The following ZNF655 variants were observed in gnomAD, a reference collection of about 807,000 sequenced individuals.
ZNF655 encodes the protein zinc finger protein 655, also known as Vav-interacting Kruppel-like protein 1.
A neutral mutation model predicts 6.6 loss-of-function variants in ZNF655; 3 were observed. The observed-to-expected ratio is 0.46, with a 90% CI of 0.21 to 1.18. The LOEUF is 1.18. ZNF655 is among the 50% of genes most tolerant of loss of function. The pLI is 0.24. For synonymous variants in ZNF655, 178 were observed against 195.0 expected, an observed-to-expected ratio of 0.91 and a Z score of 0.73; for missense variants, 526 against 572.3, an observed-to-expected ratio of 0.92 and a Z score of 0.83.
At position 99,576,230 on chromosome 7, in the gene ZNF655, A is replaced by G. The variant is rs1804387886; in HGVS notation, c.*2646A>G. 1.3e-5 allele frequency: 2 copies of G among 152,684 alleles called. No homozygotes were observed. Among genetic ancestry groups the G allele is most frequent in the South Asian group, 4.1e-4 (2 of 4,836 alleles). 9.5% of individuals were successfully genotyped at this position (152,684 alleles called of 1,614,324 possible). ...AGGAATCTAAATGAAATTGATATAT[A>G]AATGAATTGATCTAAATGTAAAAGC... is the stretch of plus-strand genomic sequence containing the variant. On this transcript the variant is annotated 3_prime_UTR_variant, in exon 3 of 3. Transcript: ENST00000252713.
chr7:99,574,032 CAGTCA>C lies in ZNF655; in HGVS notation c.*449_*453del. 6.1e-6 allele frequency: 1 copy of C among 163,728 alleles called. No individual in the cohort carries two copies. The highest frequency in any genetic ancestry group is 1.7e-4 in the South Asian group (1 of 5,972). The allele number at this position is 163,728 out of a possible 1,614,324, so 10.1% of individuals were successfully genotyped here. ...AAGCATGTATGTGTGTGAGGAGATT[CAGTCA>C]TAACCCAACGCTCATTCAACATCAA... On this transcript the variant is annotated 3_prime_UTR_variant, in exon 3 of 3. Coordinates refer to ENST00000252713, the MANE Select transcript of ZNF655 (RefSeq NM_138494.3).
At chr7:99,565,362 G>C (rs1230291393) in intron 2 of ZNF655, among the ~76,000 whole-genome samples, 2 of 151,964 alleles carry the variant, frequency 1.3e-5, no homozygotes, top group Non-Finnish European at 2.9e-5. Flanking sequence ...GTAGAGATGG[G>C]GTTTTGCCAT....
At chr7:99,561,971 C>G (rs1465604117) in intron 2 of ZNF655, 3 of 1,584,950 alleles carry the variant, frequency 1.9e-6, no homozygotes, top group Middle Eastern at 1.7e-4. Context: ...AGCCAGGTAC[C>G]AGGTGAGCTG....
chr7:99,561,790 A>C (rs1328064008), intron 2 of ZNF655: 1 of 574,308 alleles, frequency 1.7e-6, no homozygotes, highest in Admixed American at 4.2e-5. Flanking sequence ...AGTATTGAGG[A>C]GGGTCCTGCT....
intron 2 of ZNF655, chr7:99,562,494 G>A: frequency 6.2e-7 from 1 of 1,608,424 alleles, no homozygotes; most frequent in Non-Finnish European, 8.5e-7. Flanking sequence ...GGTCTCACTG[G>A]GTAAGGACTT....
intron 2 of ZNF655, among the ~76,000 whole-genome samples, chr7:99,566,408 C>T (rs370859777): frequency 6.6e-6 from 1 of 152,138 alleles, no homozygotes; most frequent in South Asian, 2.1e-4. Context: ...TCTCTAGGGA[C>T]ACATTCCAGT....
In ZNF655 at chr7:99,572,894, C is replaced by T. The variant is rs1421413627; in HGVS notation, c.786C>T (p.His262=). 29 of 1,613,988 alleles carry T rather than the reference C, an allele frequency of 1.8e-5. No individual in the cohort carries two copies. The highest frequency in any genetic ancestry group is 3.3e-4 in the Middle Eastern group (2 of 6,082). The change falls in exon 3 of 3, where the codon CAC becomes CAT. Residue 262 remains histidine, a synonymous_variant. Transcript: ENST00000252713. ...SSSLSRHKRI[H]TREKPYKCEA... Reference sequence around the variant, plus strand: ...GTCTTAGTCGACATAAAAGAATACACACTAGAGAAAAACCTTACAAATGTG... The same window carrying T: ...GTCTTAGTCGACATAAAAGAATACATACTAGAGAAAAACCTTACAAATGTG...
At chr7:99,559,664 G>C (rs1202437365) in intron 1 of ZNF655, among the ~76,000 whole-genome samples, 6 of 152,086 alleles carry the variant, frequency 3.9e-5, no homozygotes, top group Non-Finnish European at 7.4e-5. Flanking sequence ...CTGTCACGCT[G>C]TCATACAGGC....
Position 99,575,070 on chromosome 7 carries a change from G to A in ZNF655, c.*1486G>A, listed in dbSNP as rs117784619. ...ATGCCCAAGGTTTTAGCTGTCTTGT[G>A]TGCATCCACAGTCTGCGAAGAAGAC... On this transcript the variant is annotated 3_prime_UTR_variant, in exon 3 of 3. Transcript: ENST00000252713. 10 of 152,746 alleles carry A rather than the reference G, an allele frequency of 6.5e-5. No individual in the cohort carries two copies. The East Asian group carries it at 1.9e-3, about 29-fold the overall frequency. 9.5% of individuals were successfully genotyped at this position (152,746 alleles called of 1,614,324 possible). A position where few individuals can be genotyped will look rare whatever the true frequency, so the allele number is the denominator to read the frequency against.
chr7:99,571,798 T>TA (rs1196076412), intron 2 of ZNF655: 1 of 1,571,782 alleles, frequency 6.4e-7, no homozygotes, highest in Admixed American at 1.8e-5. Flanking sequence ...CTCAGGTGAG[T>TA]AAGGCAGAAT....
At chr7:99,571,407 C>G in intron 2 of ZNF655, 2 of 1,229,056 alleles carry the variant, frequency 1.6e-6, no homozygotes, top group Non-Finnish European at 1.0e-6. Flanking sequence ...ATAATGATAA[C>G]TTCTGTGAAG....
intron 2 of ZNF655, chr7:99,564,040 C>T (rs1803439270): frequency 7.5e-6 from 12 of 1,607,488 alleles, no homozygotes; most frequent in Non-Finnish European, 1.0e-5. Flanking sequence ...TGCTCGGAAA[C>T]TCCTTTTCCA....
chr7:99,562,489 C>T (rs757070293), intron 2 of ZNF655: 2 of 1,611,506 alleles, frequency 1.2e-6, no homozygotes, highest in East Asian at 2.2e-5. Flanking sequence ...AACGTGGTCT[C>T]ACTGGGTAAG....
chr7:99,573,330 C>T lies in ZNF655; in HGVS notation c.1222C>T (p.His408Tyr), dbSNP rs757092547. 3 of 1,614,004 alleles carry T rather than the reference C, an allele frequency of 1.9e-6. No individual in the cohort carries two copies. In the East Asian group the frequency reaches 6.7e-5, roughly 36 times the overall value. Reference protein sequence around the residue: ...HQRIHTGEKAHECNECGKAFS... With the variant: ...HQRIHTGEKAYECNECGKAFS... ...AAGAATTCACACAGGAGAGAAAGCACATGAATGTAATGAATGTGGAAAAGC... is the reference window on the plus strand; with the variant it reads ...AAGAATTCACACAGGAGAGAAAGCATATGAATGTAATGAATGTGGAAAAGC... The change falls in exon 3 of 3, where the codon CAT (histidine) becomes TAT (tyrosine). Residue 408 changes from histidine to tyrosine, a missense_variant. By Grantham distance (83) the His-to-Tyr change is moderately conservative. Coordinates refer to ENST00000252713, the MANE Select transcript of ZNF655 (RefSeq NM_138494.3).
Position 99,576,381 on chromosome 7 carries a change from C to G in ZNF655, c.*2797C>G, listed in dbSNP as rs1025364662. 3 of 152,610 alleles carry G rather than the reference C, an allele frequency of 2.0e-5. No homozygotes were observed. Among genetic ancestry groups the G allele is most frequent in the African/African-American group, 7.2e-5 (3 of 41,422 alleles). The allele number at this position is 152,610 out of a possible 1,614,324, so 9.5% of individuals were successfully genotyped here. On this transcript the variant is annotated 3_prime_UTR_variant, in exon 3 of 3. Transcript: ENST00000252713. ...TAAAAAGCAGAATATGTAAAAATCA[C>G]ATGTATGCGTTTGGTTTAGGAATGT...
chr7:99,560,720 C>T (rs764507562), intron 2 of ZNF655, 25 bp downstream of exon 2: 1 of 1,611,098 alleles, frequency 6.2e-7, no homozygotes, highest in South Asian at 1.1e-5. Context: ...GCACTTCCGT[C>T]TGGGAGAGTG....
At chr7:99,569,563 A>G (rs891199418) in intron 2 of ZNF655, among the ~76,000 whole-genome samples, 3 of 152,202 alleles carry the variant, frequency 2.0e-5, no homozygotes, top group Non-Finnish European at 4.4e-5. Flanking sequence ...ACCTTGGGCA[A>G]GCTACTTAAC....
chr7:99,562,475 T>C lies in ZNF655; in HGVS notation c.136+1780T>C, dbSNP rs764071815. The C allele has an allele frequency of 5.6e-6, 9 of 1,613,650 alleles. No individual in the cohort carries two copies. The South Asian group carries it at 6.6e-5, about 12-fold the overall frequency. On this transcript the variant is annotated intron_variant, in intron 2 of 2. Transcript: ENST00000252713. ...ACAGAGAAGTGATGTTAGAGAATTA[T>C]GGGAACGTGGTCTCACTGGGTAAGG...
intron 2 of ZNF655, chr7:99,570,190 A>G (rs1275449508): frequency 6.6e-6 from 1 of 152,228 alleles, no homozygotes; most frequent in Non-Finnish European, 1.5e-5. Flanking sequence ...ATATCGACAG[A>G]CACTTTAAAT....
Sources: gnomAD v4.1 joint callset for allele counts (sites outside exome capture counted in the v4.1 genomes callset) on GRCh38, gnomAD v4.1.1 for gene constraint, MANE v1.5 for transcripts, NCBI Gene and HGNC (gene_info 2026-07-23, HGNC 2026-07-21) for gene names.